The following C14orf39 variants were observed in gnomAD, a reference collection of about 807,000 sequenced individuals.
C14orf39 encodes the protein protein SIX6OS1.
Under a neutral mutation model 85.6 loss-of-function variants are expected in C14orf39, and 66 were observed. The ratio of observed to expected loss-of-function variants is 0.77; its 90% CI spans 0.63 to 0.95. C14orf39 has a LOEUF of 0.95. Ranked by LOEUF, C14orf39 falls within the 40% of genes least tolerant of loss-of-function variation. The probability of loss-of-function intolerance (pLI) is 0.00; values close to 1 mark genes in which losing one functional copy is unlikely to be tolerated. For synonymous variants in C14orf39, 242 were observed against 214.0 expected (o/e 1.13, Z -1.14); for missense variants, 735 against 663.9 (o/e 1.11, Z -1.18).
intron 5 of C14orf39, among the ~76,000 whole-genome samples, chr14:60,473,162 T>C (rs559960968): frequency 6.6e-6 from 1 of 152,372 alleles, no homozygotes; most frequent in African/African-American, 2.4e-5. Flanking sequence ...CCAGTGATGA[T>C]GAGCATTTTT....
chr14:60,455,150 G>A lies in C14orf39; in HGVS notation c.1359-5C>T. 1 of 1,533,292 alleles carries A rather than the reference G, an allele frequency of 6.5e-7. No individual in the cohort carries two copies. The highest frequency in any genetic ancestry group is 8.8e-7 in the Non-Finnish European group (1 of 1,142,546). 95.0% of individuals were successfully genotyped at this position (1,533,292 alleles called of 1,614,324 possible). Reference sequence around the variant, plus strand: ...ACTGCATTTCTATTTCTGTTACTGAGAAATAAGAAATTATCAAAATGTTAA... The same window carrying A: ...ACTGCATTTCTATTTCTGTTACTGAAAAATAAGAAATTATCAAAATGTTAA... On this transcript the variant is annotated splice_region_variant and splice_polypyrimidine_tract_variant and intron_variant, in intron 15 of 17. Transcript: ENST00000321731.
At chr14:60,497,906 GAGAA>G (rs1566687984) in intron 2 of C14orf39, among the ~76,000 whole-genome samples, 4 of 151,698 alleles carry the variant, frequency 2.6e-5, no homozygotes, top group South Asian at 4.2e-4. Context: ...AAGAAAAAAA[GAGAA>G]AGAAAGAAAG....
At chr14:60,501,523 C>T (rs1445585839) in intron 1 of C14orf39, among the ~76,000 whole-genome samples, 3 of 152,300 alleles carry the variant, frequency 2.0e-5, no homozygotes, top group African/African-American at 7.2e-5. Flanking sequence ...GGATATCGCC[C>T]TGTCAACACC....
chr14:60,469,569 T>C lies in C14orf39; in HGVS notation c.639A>G (p.Val213=), dbSNP rs1209335730. ...AATTAATTTCTATTTCCATTTCATCTACTTCTTTCTTCAATTCGGATGAAC... is the reference window on the plus strand; with the variant it reads ...AATTAATTTCTATTTCCATTTCATCCACTTCTTTCTTCAATTCGGATGAAC... The part of the protein sequence containing the change: ...TKSSSELKKE[V]DEMEIEINYL... Residue 213 remains valine, a synonymous_variant, in exon 8 of 18, where the codon GTA becomes GTG. Coordinates refer to ENST00000321731, the MANE Select transcript of C14orf39 (RefSeq NM_174978.3). The C allele has an allele frequency of 6.6e-7, 1 of 1,512,430 alleles. No homozygotes were observed. The highest frequency in any genetic ancestry group is 2.0e-5 in the Admixed American group (1 of 50,412). 93.7% of individuals were successfully genotyped at this position (1,512,430 alleles called of 1,614,324 possible). A position where few individuals can be genotyped will look rare whatever the true frequency, so the allele number is the denominator to read the frequency against.
chr14:60,487,559 T>C (rs1892919788), upstream of C14orf39, among the ~76,000 whole-genome samples: 1 of 152,112 alleles, frequency 6.6e-6, no homozygotes, highest in Admixed American at 6.5e-5. Flanking sequence ...AGTATATATC[T>C]TGGCTATTGT....
intron 7 of C14orf39, 152 bp from the exon 8 acceptor site, chr14:60,469,805 G>A: frequency 2.7e-6 from 1 of 365,228 alleles, no homozygotes; most frequent in Admixed American, 4.9e-5. Flanking sequence ...GAAAACAGGA[G>A]AATAATATAA....
intron 1 of C14orf39, among the ~76,000 whole-genome samples, chr14:60,504,992 T>C (rs1360236917): frequency 1.3e-5 from 2 of 152,218 alleles, no homozygotes; most frequent in Admixed American, 1.3e-4. Flanking sequence ...TAAACAATTC[T>C]GCATCACTTT....
At position 60,437,061 on chromosome 14, in the gene C14orf39, A is replaced by G. The variant is rs191202738; in HGVS notation, c.1562-14T>C. 1.5e-3 allele frequency: 2,346 copies of G among 1,538,280 alleles called. 1 individual carries two copies. The highest frequency in any genetic ancestry group is 2.0e-3 in the Non-Finnish European group (2,215 of 1,126,076). On this transcript the variant is annotated splice_polypyrimidine_tract_variant and intron_variant, in intron 17 of 17. Coordinates refer to ENST00000321731, the MANE Select transcript of C14orf39 (RefSeq NM_174978.3). Reference sequence around the variant, plus strand: ...CAAGTAAGTTTCCTAAGGAAGATAAACATTACAATATCATGCTCTTCATAT... The same window carrying G: ...CAAGTAAGTTTCCTAAGGAAGATAAGCATTACAATATCATGCTCTTCATAT...
At chr14:60,439,496 G>C (rs971133838) in intron 17 of C14orf39, among the ~76,000 whole-genome samples, 6 of 152,114 alleles carry the variant, frequency 3.9e-5, no homozygotes, top group African/African-American at 1.4e-4. Flanking sequence ...GTTGAATGTA[G>C]TCACAGTCAC....
chr14:60,502,373 T>C (rs1893159609), intron 1 of C14orf39, among the ~76,000 whole-genome samples: 1 of 151,820 alleles, frequency 6.6e-6, no homozygotes, highest in South Asian at 2.1e-4. Context: ...AAGAAATCTT[T>C]CAGAGACCAC....
intron 1 of C14orf39, among the ~76,000 whole-genome samples, chr14:60,513,841 G>C (rs80057690): frequency 4.5e-4 from 69 of 152,330 alleles, no homozygotes; most frequent in African/African-American, 1.4e-3. Context: ...GACAAAAAGA[G>C]AAGACCAAAC....
At chr14:60,510,080 G>C in intron 1 of C14orf39, 1 of 992,702 alleles carries the variant, frequency 1.0e-6, no homozygotes, top group Non-Finnish European at 1.6e-6. Flanking sequence ...CAGGAGTTGG[G>C]AGCGCGGTCT....
intron 9 of C14orf39, among the ~76,000 whole-genome samples, chr14:60,467,918 G>GA (rs1426710181): frequency 2.0e-5 from 3 of 151,448 alleles, no homozygotes; most frequent in Admixed American, 6.6e-5. Flanking sequence ...TCTGTCATAT[G>GA]ATAACAGGCA....
intron 17 of C14orf39, 120 bp downstream of exon 17, chr14:60,441,954 C>T: frequency 1.5e-6 from 1 of 660,594 alleles, no homozygotes; most frequent in Non-Finnish European, 2.7e-6. Context: ...GTGAGTAGTG[C>T]AGAAGTAACA....
chr14:60,445,795 C>T (rs559243147), intron 16 of C14orf39, among the ~76,000 whole-genome samples: 11 of 152,130 alleles, frequency 7.2e-5, no homozygotes, highest in African/African-American at 1.9e-4. Context: ...ATTCTAAAAT[C>T]GACCACATAA....
At chr14:60,468,378 A>G in intron 9 of C14orf39, 67 bp downstream of exon 9, 1 of 946,858 alleles carries the variant, frequency 1.1e-6, no homozygotes, top group Non-Finnish European at 1.6e-6. Flanking sequence ...GGGATGGAAT[A>G]TAGAATCAAA....
chr14:60,456,443 A>G (rs1445842806), intron 15 of C14orf39, among the ~76,000 whole-genome samples: 1 of 147,846 alleles, frequency 6.8e-6, no homozygotes, highest in Non-Finnish European at 1.5e-5. Flanking sequence ...TTTTTTTTTA[A>G]TAGAGTCTCA....
rs1005468825 is a variant in C14orf39, at chr14:60,436,700, A to G, written c.*145T>C. On this transcript the variant is annotated 3_prime_UTR_variant, in exon 18 of 18. Coordinates refer to ENST00000321731, the MANE Select transcript of C14orf39 (RefSeq NM_174978.3). ...AAAACCCAAAATATTCAGTATTTCA[A>G]TATTTCAATAAATATAATCAAATAA... is the stretch of plus-strand genomic sequence containing the variant. The G allele has an allele frequency of 2.0e-5, 11 of 558,522 alleles. No homozygotes were observed. The highest frequency in any genetic ancestry group is 3.1e-5 in the South Asian group (1 of 32,390). The allele number at this position is 558,522 out of a possible 1,614,324, so 34.6% of individuals were successfully genotyped here. A position where few individuals can be genotyped will look rare whatever the true frequency, so the allele number is the denominator to read the frequency against.
At position 60,436,773 on chromosome 14, in the gene C14orf39, T is replaced by A. The variant is rs1890267057; in HGVS notation, c.*72A>T. ...AATAAAAGAAAGCAGTCTTCATGTT[T>A]TAAGCAATAATGTAAATTTATGCCC... On this transcript the variant is annotated 3_prime_UTR_variant, in exon 18 of 18. Coordinates refer to ENST00000321731, the MANE Select transcript of C14orf39 (RefSeq NM_174978.3). 1.0e-6 allele frequency: 1 copy of A among 971,598 alleles called. No homozygotes were observed. Among genetic ancestry groups the A allele is most frequent in the Non-Finnish European group, 1.6e-6 (1 of 635,222 alleles). 60.2% of individuals were successfully genotyped at this position (971,598 alleles called of 1,614,324 possible).
Sources: gnomAD v4.1 joint callset for allele counts (sites outside exome capture counted in the v4.1 genomes callset) on GRCh38, gnomAD v4.1.1 for gene constraint, MANE v1.5 for transcripts, NCBI Gene and HGNC (gene_info 2026-07-23, HGNC 2026-07-21) for gene names.